Variants in PAG1 observed in about 807,000 individuals in gnomAD.
PAG1 encodes phosphoprotein membrane anchor with glycosphingolipid microdomains 1.
A neutral mutation model predicts 31.7 loss-of-function variants in PAG1; 23 were observed. The observed-to-expected ratio is 0.73, with a 90% CI of 0.52 to 1.03. PAG1 has a LOEUF of 1.03. Among genes scored for constraint, PAG1 ranks in the 50% least tolerant of loss-of-function variants. PAG1 has a pLI of 0.00. For synonymous variants in PAG1, 214 were observed against 210.3 expected (o/e 1.02, Z -0.15); for missense variants, 473 against 540.7 (o/e 0.87, Z 1.24).
intron 2 of PAG1, among the ~76,000 whole-genome samples, chr8:81,035,610 G>C (rs1379352507): frequency 2.0e-5 from 3 of 152,134 alleles, no homozygotes; most frequent in African/African-American, 7.2e-5. Flanking sequence ...TTCAGATTTG[G>C]GGAGGGCAAC....
chr8:80,999,786 C>T (rs1199435336), intron 3 of PAG1, among the ~76,000 whole-genome samples: 2 of 152,136 alleles, frequency 1.3e-5, no homozygotes, highest in African/African-American at 2.4e-5. Context: ...CCCAGACAAG[C>T]CAAAAGGCAA....
chr8:81,014,481 G>A (rs1808038850), intron 3 of PAG1, among the ~76,000 whole-genome samples: 2 of 152,220 alleles, frequency 1.3e-5, no homozygotes, highest in Admixed American at 6.5e-5. Flanking sequence ...GGGACTAGCA[G>A]GCTTTGAAAG....
chr8:81,073,041 G>A lies in PAG1; in HGVS notation c.-233-2871C>T, dbSNP rs372887290. ...TTCCTTCACTTTCAGTAGACTGAAC[G>A]CCTGACTCCTTGAGAATGACCAGCA... On this transcript the variant is annotated intron_variant, in intron 1 of 8. Transcript: ENST00000220597. 9.8e-4 allele frequency among the ~76,000 whole-genome samples: 149 copies of A among 152,286 alleles called. 4 individuals are homozygous for A. In the South Asian group the frequency reaches 0.03, roughly 30 times the overall value.
At chr8:81,087,928 C>T (rs1263825694) in intron 1 of PAG1, among the ~76,000 whole-genome samples, 8 of 152,084 alleles carry the variant, frequency 5.3e-5, no homozygotes, top group African/African-American at 1.9e-4. Flanking sequence ...TGTCATTGGG[C>T]CCCTCCTAAA....
At chr8:81,021,179 A>G (rs1190125767) in intron 3 of PAG1, among the ~76,000 whole-genome samples, 1 of 152,228 alleles carries the variant, frequency 6.6e-6, no homozygotes, top group Non-Finnish European at 1.5e-5. Flanking sequence ...GCTATAGATG[A>G]CTATGTTCAG....
At chr8:80,985,859 C>T (rs533492040) in intron 6 of PAG1, among the ~76,000 whole-genome samples, 1 of 152,308 alleles carries the variant, frequency 6.6e-6, no homozygotes, top group East Asian at 1.9e-4. Context: ...ATAGAAACTA[C>T]AGGGCAAACA....
At chr8:81,082,700 ATTT>A (rs1809289439) in intron 1 of PAG1, among the ~76,000 whole-genome samples, 1 of 151,818 alleles carries the variant, frequency 6.6e-6, no homozygotes, top group Non-Finnish European at 1.5e-5. Context: ...ATCCACTGAG[ATTT>A]TTATTTGGGT....
chr8:81,099,041 A>G (rs1809569647), intron 1 of PAG1, among the ~76,000 whole-genome samples: 1 of 152,190 alleles, frequency 6.6e-6, no homozygotes, highest in Non-Finnish European at 1.5e-5. Flanking sequence ...CTGAACTGAC[A>G]TGTGGTTAGT....
intron 2 of PAG1, among the ~76,000 whole-genome samples, chr8:81,041,746 T>C (rs995337131): frequency 1.3e-5 from 2 of 152,182 alleles, no homozygotes; most frequent in Non-Finnish European, 2.9e-5. Flanking sequence ...AAATAATTAA[T>C]AGCTAATTCT....
chr8:81,039,693 G>C (rs1314060870), intron 2 of PAG1: 6 of 152,184 alleles, frequency 3.9e-5, no homozygotes, highest in African/African-American at 1.4e-4. Context: ...TTAGGGTAAG[G>C]AAGGTAATTC....
At chr8:81,087,075 T>G (rs1809370573) in intron 1 of PAG1, among the ~76,000 whole-genome samples, 1 of 152,180 alleles carries the variant, frequency 6.6e-6, no homozygotes, top group African/African-American at 2.4e-5. Context: ...CCAGGCGTGG[T>G]GGCTCATGCC....
At chr8:81,078,704 A>G (rs1809216542) in intron 1 of PAG1, among the ~76,000 whole-genome samples, 1 of 152,164 alleles carries the variant, frequency 6.6e-6, no homozygotes, top group Non-Finnish European at 1.5e-5. Context: ...GAATAAAAAG[A>G]GCAATTGACA....
chr8:81,049,520 C>T (rs1808692901), intron 2 of PAG1, among the ~76,000 whole-genome samples: 1 of 152,108 alleles, frequency 6.6e-6, no homozygotes, highest in Non-Finnish European at 1.5e-5. Context: ...TTAAAAAATG[C>T]TAAGTCAAAT....
At chr8:81,071,327 G>C (rs551732546) in intron 1 of PAG1, among the ~76,000 whole-genome samples, 2 of 152,260 alleles carry the variant, frequency 1.3e-5, no homozygotes, top group East Asian at 3.9e-4. Context: ...CATGCCAAGA[G>C]AGGCAGTAGA....
At chr8:81,105,169 C>A (rs1809674056) in intron 1 of PAG1, among the ~76,000 whole-genome samples, 1 of 152,142 alleles carries the variant, frequency 6.6e-6, no homozygotes, top group South Asian at 2.1e-4. Flanking sequence ...GAGTCAGGCA[C>A]CCCTGACGGA....
At position 80,971,832 on chromosome 8, in the gene PAG1, C is replaced by G. The variant is rs955065644; in HGVS notation, c.*4712G>C. On this transcript the variant is annotated 3_prime_UTR_variant, in exon 9 of 9. Transcript: ENST00000220597. ...ATGTAAACACAGACCTAAAAATGAG[C>G]AGTAGGATAAAAAAAACCATGAATG... is the stretch of plus-strand genomic sequence containing the variant. 1.3e-5 allele frequency: 2 copies of G among 152,044 alleles called. No individual in the cohort carries two copies. Among genetic ancestry groups the G allele is most frequent in the African/African-American group, 4.8e-5 (2 of 41,388 alleles). The allele number at this position is 152,044 out of a possible 1,614,324, so 9.4% of individuals were successfully genotyped here. A position where few individuals can be genotyped will look rare whatever the true frequency, so the allele number is the denominator to read the frequency against.
chr8:81,076,407 G>A (rs1354040731), intron 1 of PAG1, among the ~76,000 whole-genome samples: 2 of 152,320 alleles, frequency 1.3e-5, no homozygotes, highest in East Asian at 3.9e-4. Flanking sequence ...TTGGGTAGGA[G>A]GAGCTGACGC....
intron 3 of PAG1, among the ~76,000 whole-genome samples, chr8:81,002,689 T>C (rs758880123): frequency 1.2e-4 from 18 of 152,228 alleles, no homozygotes; most frequent in Non-Finnish European, 2.2e-4. Flanking sequence ...GCTGAAATCA[T>C]TACGCAGTAC....
chr8:81,041,382 A>G (rs1437269573), intron 2 of PAG1, among the ~76,000 whole-genome samples: 2 of 152,216 alleles, frequency 1.3e-5, no homozygotes, highest in African/African-American at 4.8e-5. Flanking sequence ...CATTTACCAG[A>G]TCTTCATGTT....
Sources: gnomAD v4.1 joint callset for allele counts (sites outside exome capture counted in the v4.1 genomes callset) on GRCh38, gnomAD v4.1.1 for gene constraint, MANE v1.5 for transcripts, NCBI Gene and HGNC (gene_info 2026-07-23, HGNC 2026-07-21) for gene names.